Variants in ASTN2 observed in about 807,000 individuals in gnomAD.
ASTN2 encodes the protein astrotactin 2.
In ASTN2, 54 loss-of-function variants were observed where a neutral mutation model predicts 139.8. The observed-to-expected ratio is 0.39, with a 90% CI of 0.31 to 0.48. ASTN2 has a LOEUF of 0.48. Ranked by LOEUF, ASTN2 falls within the 20% of genes least tolerant of loss-of-function variation. The pLI, the probability that ASTN2 is intolerant of heterozygous loss-of-function variation, is 0.95. For synonymous variants in ASTN2, 756 were observed against 719.5 expected (o/e 1.05, Z -0.81); for missense variants, 1,565 against 1,725.1 (o/e 0.91, Z 1.64).
intron 1 of ASTN2, among the ~76,000 whole-genome samples, chr9:117,329,716 G>A (rs143356026): frequency 8.9e-4 from 135 of 152,232 alleles, no homozygotes; most frequent in African/African-American, 3.1e-3. Context: ...ATATAAAGTG[G>A]CCATACTCAG....
intron 13 of ASTN2, among the ~76,000 whole-genome samples, chr9:116,802,013 T>C (rs1329420477): frequency 6.6e-6 from 1 of 151,728 alleles, no homozygotes; most frequent in Non-Finnish European, 1.5e-5. Flanking sequence ...CTAATGGACC[T>C]AAAATTGTGT....
intron 1 of ASTN2, among the ~76,000 whole-genome samples, chr9:117,392,240 G>T (rs1264746484): frequency 2.6e-5 from 4 of 152,020 alleles, no homozygotes; most frequent in Admixed American, 2.6e-4. Flanking sequence ...AGGTAGAGAT[G>T]GAAAGAAATA....
In ASTN2 at chr9:117,279,352, C is replaced by G. The variant is rs550697498; in HGVS notation, c.630+11974G>C. On this transcript the variant is annotated intron_variant, in intron 2 of 22. Coordinates refer to ENST00000313400, the MANE Select transcript of ASTN2 (RefSeq NM_001365068.1). The stretch of plus-strand genomic sequence containing the variant: ...CATACTAGAGAGTTGTCTTAACCTT[C>G]TAGACCTTGGTTTTATCATTTGTGA... 2.6e-5 allele frequency among the ~76,000 whole-genome samples: 4 copies of G among 152,342 alleles called. No homozygotes were observed. The East Asian group carries it at 7.7e-4, about 29-fold the overall frequency.
intron 3 of ASTN2, among the ~76,000 whole-genome samples, chr9:117,178,964 C>G (rs1830987120): frequency 6.6e-6 from 1 of 152,220 alleles, no homozygotes; most frequent in Non-Finnish European, 1.5e-5. Context: ...GTTTTTCCTT[C>G]TCCTTTCTTC....
At chr9:117,182,497 T>G (rs1290479655) in intron 3 of ASTN2, among the ~76,000 whole-genome samples, 1 of 152,164 alleles carries the variant, frequency 6.6e-6, no homozygotes, top group Non-Finnish European at 1.5e-5. Context: ...TATTTTGAAA[T>G]TAATCCAGTT....
chr9:116,457,413 C>T (rs1454600515), intron 20 of ASTN2, among the ~76,000 whole-genome samples: 1 of 151,958 alleles, frequency 6.6e-6, no homozygotes, highest in Admixed American at 6.6e-5. Flanking sequence ...GAAAGACAGC[C>T]CACAGAATGG....
chr9:117,184,329 C>A (rs1175013212), intron 3 of ASTN2, among the ~76,000 whole-genome samples: 1 of 152,208 alleles, frequency 6.6e-6, no homozygotes. Flanking sequence ...ACTGTCTGTC[C>A]ATGGGGCGAG....
intron 3 of ASTN2, among the ~76,000 whole-genome samples, chr9:117,174,393 T>A (rs1399066990): frequency 6.6e-6 from 1 of 151,974 alleles, no homozygotes; most frequent in Non-Finnish European, 1.5e-5. Context: ...AATAGCCATA[T>A]AAATATTTGA....
chr9:116,442,640 CAT>C (rs1847873631), intron 20 of ASTN2, 87 bp from the exon 21 acceptor site: 2 of 999,712 alleles, frequency 2.0e-6, no homozygotes, highest in African/African-American at 1.6e-5. Context: ...AGTCATGGCA[CAT>C]GAGGCTACAG....
rs1564278757 is a variant in ASTN2, at chr9:116,440,743, C to T, written c.3648G>A (p.Lys1216=). The T allele has an allele frequency of 6.2e-7, 1 of 1,614,210 alleles. No homozygotes were observed. The highest frequency in any genetic ancestry group is 8.5e-7 in the Non-Finnish European group (1 of 1,180,034). ...GTGTGTTGTAGGCCATCTGCTGCTC[C>T]TTTCCACTTGTGTACCCATTGTACA... ...YNLYNGYTSG[K]EQQMAYNTLM... Residue 1216 remains lysine (K), a synonymous_variant, in exon 22 of 23, where the codon AAG becomes AAA. Coordinates refer to ENST00000313400, the MANE Select transcript of ASTN2 (RefSeq NM_001365068.1).
intron 6 of ASTN2, among the ~76,000 whole-genome samples, chr9:117,033,700 G>C (rs906182639): frequency 1.6e-4 from 24 of 151,990 alleles, no homozygotes; most frequent in Non-Finnish European, 1.3e-4. Flanking sequence ...TGGAAGCTTA[G>C]AGCATAGAAG....
chr9:116,882,030 T>C (rs1391735704), intron 10 of ASTN2, among the ~76,000 whole-genome samples: 1 of 152,206 alleles, frequency 6.6e-6, no homozygotes, highest in Admixed American at 6.5e-5. Context: ...TGATTCCTAA[T>C]TTCTTTTGGA....
chr9:116,644,082 G>C (rs897696532), intron 17 of ASTN2, among the ~76,000 whole-genome samples: 6 of 152,134 alleles, frequency 3.9e-5, no homozygotes, highest in African/African-American at 1.2e-4. Flanking sequence ...TGATAGTAGT[G>C]GTGTAGCATA....
chr9:116,456,749 C>T (rs1848346084), intron 20 of ASTN2, among the ~76,000 whole-genome samples: 1 of 152,174 alleles, frequency 6.6e-6, no homozygotes, highest in African/African-American at 2.4e-5. Flanking sequence ...ATTCAATTAT[C>T]TCCCACTGGT....
At chr9:116,610,429 AC>A (rs1488615374) in intron 19 of ASTN2, among the ~76,000 whole-genome samples, 1 of 152,126 alleles carries the variant, frequency 6.6e-6, no homozygotes, top group African/African-American at 2.4e-5. Context: ...ACATGGCGAA[AC>A]CCCATCTCTA....
At chr9:117,367,703 TGTA>T (rs1257358730) in intron 1 of ASTN2, among the ~76,000 whole-genome samples, 1 of 152,070 alleles carries the variant, frequency 6.6e-6, no homozygotes, top group African/African-American at 2.4e-5. Flanking sequence ...TCTAAACTCT[TGTA>T]ATTATTATGT....
chr9:117,356,075 C>T (rs1829531843), intron 1 of ASTN2, among the ~76,000 whole-genome samples: 1 of 152,086 alleles, frequency 6.6e-6, no homozygotes, highest in Non-Finnish European at 1.5e-5. Context: ...GAATTCATTG[C>T]CGTCATCCCC....
chr9:116,965,804 A>G (rs935806235), intron 10 of ASTN2, among the ~76,000 whole-genome samples: 19 of 152,206 alleles, frequency 1.2e-4, no homozygotes, highest in Non-Finnish European at 2.5e-4. Context: ...TGGAATGATG[A>G]ATGGGTAGAT....
rs367981404 is a variant in ASTN2 at position 116,763,587 on chromosome 9, T to C, written c.2397-30064A>G. On this transcript the variant is annotated intron_variant, in intron 13 of 22. Coordinates refer to ENST00000313400, the MANE Select transcript of ASTN2 (RefSeq NM_001365068.1). ...GCTGGGAGAAAACACAGCCTCGGTT[T>C]GTTTAAGGATGTAGAGTCAGCTAGA... Among the ~76,000 whole-genome samples, 211 of 152,252 alleles carry C rather than the reference T, an allele frequency of 1.4e-3. 2 individuals carry two copies. Among genetic ancestry groups the C allele is most frequent in the African/African-American group, 5.0e-3 (209 of 41,538 alleles).
Sources: gnomAD v4.1 joint callset for allele counts (sites outside exome capture counted in the v4.1 genomes callset) on GRCh38, gnomAD v4.1.1 for gene constraint, MANE v1.5 for transcripts, NCBI Gene and HGNC (gene_info 2026-07-23, HGNC 2026-07-21) for gene names.